Variants in MTG1 observed in about 807,000 individuals in gnomAD.
MTG1 encodes mitochondrial ribosome associated GTPase 1.
A neutral mutation model predicts 39.5 loss-of-function variants in MTG1; 30 were observed. The observed-to-expected ratio is 0.76, with a 90% CI of 0.57 to 1.03. MTG1 has a LOEUF of 1.03. Among genes scored for constraint, MTG1 ranks in the 50% least tolerant of loss-of-function variants. The probability of loss-of-function intolerance (pLI) is 0.00; values close to 1 mark genes in which losing one functional copy is unlikely to be tolerated. For missense variants in MTG1, 513 were observed against 447.4 expected (o/e 1.15, Z -1.32); for synonymous variants, 217 against 179.0 (o/e 1.21, Z -1.69).
In MTG1 at chr10:133,395,704, G is replaced by C. The variant is rs770940724; in HGVS notation, c.113-9G>C. ...AGCCCCTTCGCTGAGGCGTCCTTCT[G>C]TTTTCCAGGGCTGAAGAAGATGCAG... On this transcript the variant is annotated splice_polypyrimidine_tract_variant and intron_variant, in intron 1 of 10. Transcript: ENST00000317502. 6.2e-6 allele frequency: 10 copies of C among 1,613,980 alleles called. No homozygotes were observed. The highest frequency in any genetic ancestry group is 7.6e-6 in the Non-Finnish European group (9 of 1,179,950).
intron 3 of MTG1, among the ~76,000 whole-genome samples, chr10:133,397,337 C>T (rs551601836): frequency 2.6e-5 from 4 of 151,498 alleles, no homozygotes; most frequent in Non-Finnish European, 5.9e-5. Flanking sequence ...GGCTCACACT[C>T]CTTACCCTGC....
At chr10:133,415,988 C>CGCGGGTGTCGGCAT (rs1850123272) in intron 9 of MTG1, among the ~76,000 whole-genome samples, 1 of 107,784 alleles carries the variant, frequency 9.3e-6, no homozygotes, top group Non-Finnish European at 2.1e-5. Context: ...GGTGTCGGCA[C>CGCGGGTGTCGGCAT]GCGGGTGTCG....
chr10:133,396,108 A>G (rs144902496), intron 2 of MTG1, 55 bp from the exon 3 acceptor site: 4 of 1,544,298 alleles, frequency 2.6e-6, no homozygotes, highest in Non-Finnish European at 3.6e-6. Context: ...ATGGCAAGAA[A>G]AAAAGTTGGT....
chr10:133,399,027 A>G, intron 4 of MTG1, 143 bp from the exon 5 acceptor site: 1 of 875,762 alleles, frequency 1.1e-6, no homozygotes, highest in Non-Finnish European at 1.9e-6. Flanking sequence ...GTAGAATTCC[A>G]GATAGGAGGT....
chr10:133,402,559 T>C lies in MTG1; in HGVS notation c.671-133T>C. 3.6e-6 allele frequency: 3 copies of C among 842,496 alleles called. No individual in the cohort carries two copies. The highest frequency in any genetic ancestry group is 2.6e-5 in the Admixed American group (1 of 39,084). The allele number at this position is 842,496 out of a possible 1,614,324, so 52.2% of individuals were successfully genotyped here. Reference sequence around the variant, plus strand: ...AGCCGAGTGCCGTCCTCTTGGTTAGTGTCTTTGTCAGTGGCTGGCCTCTTC... The same window carrying C: ...AGCCGAGTGCCGTCCTCTTGGTTAGCGTCTTTGTCAGTGGCTGGCCTCTTC... On this transcript the variant is annotated intron_variant, in intron 8 of 10. Transcript: ENST00000317502. This position sits in a 1 kb window ranked among gnomAD's most constrained non-coding sequence, Gnocchi z 4.7.
chr10:133,395,421 G>C lies in MTG1; in HGVS notation c.113-292G>C, dbSNP rs1231559960. On this transcript the variant is annotated intron_variant, in intron 1 of 10. Transcript: ENST00000317502. ...GAAAACAAAAAAGCGACCCATGCACGTTAAATATTCCACCCAGAGTCAGCC... is the reference window on the plus strand; with the variant it reads ...GAAAACAAAAAAGCGACCCATGCACCTTAAATATTCCACCCAGAGTCAGCC... Among the ~76,000 whole-genome samples, 2 of 152,134 alleles carry C rather than the reference G, an allele frequency of 1.3e-5. 1 individual carries two copies. Among genetic ancestry groups the C allele is most frequent in the Non-Finnish European group, 2.9e-5 (2 of 68,038 alleles).
intron 9 of MTG1, among the ~76,000 whole-genome samples, chr10:133,408,085 G>C (rs1564821404): frequency 6.6e-6 from 1 of 152,114 alleles, no homozygotes; most frequent in Non-Finnish European, 1.5e-5. Flanking sequence ...ATTGTTCTGG[G>C]TAGGACTTCC....
intron 9 of MTG1, among the ~76,000 whole-genome samples, chr10:133,417,530 C>T (rs78323156): frequency 6.6e-6 from 1 of 151,282 alleles, no homozygotes. Context: ...CTGGCCAGGG[C>T]AGTTAGGCAG....
chr10:133,395,544 G>T (rs545957119), intron 1 of MTG1, among the ~76,000 whole-genome samples, 169 bp from the exon 2 acceptor site: 1 of 152,332 alleles, frequency 6.6e-6, no homozygotes, highest in South Asian at 2.1e-4. Flanking sequence ...GCGGACCTTG[G>T]AGGAGGCGCT....
chr10:133,399,314 C>T, intron 5 of MTG1, 88 bp downstream of exon 5: 1 of 1,480,408 alleles, frequency 6.8e-7, no homozygotes, highest in South Asian at 1.1e-5. Flanking sequence ...GGAGAAGGCG[C>T]AGCGCCCCAG....
At chr10:133,414,913 C>G (rs1850099878) in intron 9 of MTG1, among the ~76,000 whole-genome samples, 1 of 152,278 alleles carries the variant, frequency 6.6e-6, no homozygotes, top group South Asian at 2.1e-4. Context: ...TCTGCAATCC[C>G]TGCACCTCGG....
intron 9 of MTG1, among the ~76,000 whole-genome samples, chr10:133,418,315 T>C (rs530543789): frequency 9.8e-4 from 149 of 152,374 alleles, no homozygotes; most frequent in African/African-American, 3.4e-3. Flanking sequence ...CTGGATGCCA[T>C]GTATTTTGAG....
chr10:133,410,096 T>C (rs1420691995), intron 9 of MTG1, among the ~76,000 whole-genome samples: 1 of 152,120 alleles, frequency 6.6e-6, no homozygotes, highest in African/African-American at 2.4e-5. Flanking sequence ...CCCAGGCTGG[T>C]GTGCAGTGGT....
At chr10:133,395,335 C>T (rs1174774680) in intron 1 of MTG1, among the ~76,000 whole-genome samples, 1 of 152,190 alleles carries the variant, frequency 6.6e-6, no homozygotes, top group Admixed American at 6.5e-5. Context: ...GCGGAGGTTG[C>T]AGTGAGCCGA....
intron 9 of MTG1, among the ~76,000 whole-genome samples, chr10:133,409,881 A>G (rs1414712994): frequency 6.7e-6 from 1 of 149,624 alleles, no homozygotes; most frequent in Non-Finnish European, 1.5e-5. Context: ...TGTCATCTGT[A>G]AGTATAGCTA....
At chr10:133,403,828 G>GT (rs1284962088) in intron 9 of MTG1, among the ~76,000 whole-genome samples, 1 of 152,144 alleles carries the variant, frequency 6.6e-6, no homozygotes, top group African/African-American at 2.4e-5. Flanking sequence ...GGAGGCATAT[G>GT]TTTGAGTTTT....
Position 133,402,485 on chromosome 10 carries a change from G to A in MTG1, c.671-207G>A, listed in dbSNP as rs1338795905. The A allele has an allele frequency of 1.4e-6, 1 of 691,710 alleles. No individual in the cohort carries two copies. Among genetic ancestry groups the A allele is most frequent in the East Asian group, 2.7e-5 (1 of 36,866 alleles). The allele number at this position is 691,710 out of a possible 1,614,324, so 42.8% of individuals were successfully genotyped here. On this transcript the variant is annotated intron_variant, in intron 8 of 10. Transcript: ENST00000317502. The surrounding 1 kb of genome is among the most constrained non-coding windows in gnomAD (Gnocchi z 4.7). ...CCCTTTCCCCATTTGACGGACCAGG[G>A]CAGAGAGGTTGGTCGCAGGTGCCAG...
intron 1 of MTG1, chr10:133,394,859 G>A (rs1237423990): frequency 1.9e-6 from 1 of 533,006 alleles, no homozygotes; most frequent in Non-Finnish European, 2.4e-6. Flanking sequence ...GCCCGTCTAG[G>A]TGTTGTGATG....
intron 6 of MTG1, among the ~76,000 whole-genome samples, chr10:133,401,045 C>T (rs1032026871): frequency 6.6e-6 from 1 of 152,230 alleles, no homozygotes; most frequent in Non-Finnish European, 1.5e-5. Context: ...GAGTGGCCTC[C>T]TTGGGACACA....
Sources: allele counts gnomAD v4.1 joint callset (sites outside exome capture counted in the v4.1 genomes callset), GRCh38; gene constraint gnomAD v4.1.1; non-coding constraint Gnocchi (gnomAD v3.1); transcripts MANE v1.5; gene names NCBI Gene and HGNC (gene_info 2026-07-23, HGNC 2026-07-21).